Variants in N4BP3 observed in about 807,000 individuals in gnomAD.
N4BP3 encodes NEDD4-binding protein 3.
A neutral mutation model predicts 43.8 loss-of-function variants in N4BP3; 33 were observed. The ratio of observed to expected loss-of-function variants is 0.75; its 90% confidence interval spans 0.57 to 1.01. N4BP3 has a LOEUF of 1.01. N4BP3 is among the 50% of genes least tolerant of loss of function. The pLI, the probability that N4BP3 is intolerant of heterozygous loss-of-function variation, is 0.00. For missense variants in N4BP3, 756 were observed against 744.2 expected, an observed-to-expected ratio of 1.02 and a Z score of -0.18; for synonymous variants, 326 against 321.9, an observed-to-expected ratio of 1.01 and a Z score of -0.14.
Position 178,121,688 on chromosome 5 carries a change from G to T in N4BP3, c.1322G>T (p.Ser441Ile). The change falls in exon 5 of 5, where the codon AGC becomes ATC. Residue 441 changes from serine to isoleucine, a missense_variant. Coordinates refer to ENST00000274605, the MANE Select transcript of N4BP3 (RefSeq NM_015111.2). ...EQAPREEAPG[S>I]CETDDCKSRG... ...GCCCCTCGGGAGGAAGCCCCAGGCA[G>T]CTGTGAGACTGATGACTGCAAGAGC... The T allele has an allele frequency of 6.2e-7, 1 of 1,610,912 alleles. No homozygotes were observed.
chr5:178,115,693 A>T (rs1455335881), intron 1 of N4BP3, among the ~76,000 whole-genome samples: 1 of 152,176 alleles, frequency 6.6e-6, no homozygotes, highest in Non-Finnish European at 1.5e-5. Flanking sequence ...GTGTCTTGTG[A>T]GGATGTGATA....
Position 178,121,870 on chromosome 5 carries a change from C to T in N4BP3, c.1504C>T (p.Arg502Cys), listed in dbSNP as rs1406296183. The T allele has an allele frequency of 1.9e-6, 3 of 1,608,632 alleles. No homozygotes were observed. Among genetic ancestry groups the T allele is most frequent in the Non-Finnish European group, 1.7e-6 (2 of 1,178,786 alleles). ...GCAGGAGGAGAAGGAGCGCGTGCTG[C>T]GCTACCAGCGGGAGATCCAGGGAGG... ...TWQEEKERVL[R>C]YQREIQGGYM... Residue 502 changes from arginine (R) to cysteine (C), a missense_variant, in exon 5 of 5, where the codon CGC becomes TGC. Coordinates refer to ENST00000274605, the MANE Select transcript of N4BP3 (RefSeq NM_015111.2).
chr5:178,126,604 C>T (rs562055356), downstream of N4BP3, among the ~76,000 whole-genome samples: 1 of 152,284 alleles, frequency 6.6e-6, no homozygotes, highest in African/African-American at 2.4e-5. Flanking sequence ...AAGTATCTGA[C>T]CATCGCTCAC....
chr5:178,115,795 A>T (rs1757758391), intron 1 of N4BP3, among the ~76,000 whole-genome samples: 1 of 152,176 alleles, frequency 6.6e-6, no homozygotes, highest in Non-Finnish European at 1.5e-5. Context: ...CTTCCTGGCC[A>T]GGGCAGCTGT....
chr5:178,117,719 T>C (rs1244802602), intron 1 of N4BP3, among the ~76,000 whole-genome samples: 1 of 151,566 alleles, frequency 6.6e-6, no homozygotes, highest in Non-Finnish European at 1.5e-5. Flanking sequence ...TCCCCTGTGA[T>C]TCCTTACCTG....
Position 178,122,384 on chromosome 5 carries a change from A to G in N4BP3, c.*383A>G, listed in dbSNP as rs1009808257. On this transcript the variant is annotated 3_prime_UTR_variant, in exon 5 of 5. Transcript: ENST00000274605. ...GGTGGGAACACTGGCCTCCCCCAGAATAAAACCATGTTTTCTACCAGAGGC... is the reference window on the plus strand; with the variant it reads ...GGTGGGAACACTGGCCTCCCCCAGAGTAAAACCATGTTTTCTACCAGAGGC... 2 of 202,894 alleles carry G rather than the reference A, an allele frequency of 9.9e-6. No individual in the cohort carries two copies. Among genetic ancestry groups the G allele is most frequent in the African/African-American group, 4.6e-5 (2 of 43,068 alleles). The allele number at this position is 202,894 out of a possible 1,614,324, so 12.6% of individuals were successfully genotyped here.
Position 178,119,022 on chromosome 5 carries a change from T to C in N4BP3, c.-30-532T>C, listed in dbSNP as rs188046527. Among the ~76,000 whole-genome samples the C allele has an allele frequency of 1.3e-3, 192 of 152,202 alleles. 1 individual carries two copies. Among genetic ancestry groups the C allele is most frequent in the Non-Finnish European group, 1.5e-3 (105 of 67,992 alleles). On this transcript the variant is annotated intron_variant, in intron 1 of 4. Transcript: ENST00000274605. Reference sequence around the variant, plus strand: ...CTGGGACTACAGGCGCCCACCACCATGCCCGGCTAGTTTTTGTATTTTTAG... The same window carrying C: ...CTGGGACTACAGGCGCCCACCACCACGCCCGGCTAGTTTTTGTATTTTTAG...
chr5:178,114,344 C>T (rs1271570922), intron 1 of N4BP3, among the ~76,000 whole-genome samples: 2 of 152,238 alleles, frequency 1.3e-5, no homozygotes, highest in Non-Finnish European at 2.9e-5. Flanking sequence ...CTTCCTCCCA[C>T]ACCTCCTTTA....
chr5:178,117,558 C>A (rs545396925), intron 1 of N4BP3, among the ~76,000 whole-genome samples: 2 of 138,892 alleles, frequency 1.4e-5, no homozygotes, highest in African/African-American at 5.4e-5. Context: ...CTGCAGTGGG[C>A]CATGGTTGCA....
At chr5:178,116,829 G>A (rs183262079) in intron 1 of N4BP3, among the ~76,000 whole-genome samples, 129 of 152,296 alleles carry the variant, frequency 8.5e-4, no homozygotes, top group Middle Eastern at 3.4e-3. Context: ...TTGGGGTGAG[G>A]TGGGCGTATT....
In N4BP3 at chr5:178,115,516, A is replaced by C. The variant is rs186893394; in HGVS notation, c.-31+1745A>C. On this transcript the variant is annotated intron_variant, in intron 1 of 4. Coordinates refer to ENST00000274605, the MANE Select transcript of N4BP3 (RefSeq NM_015111.2). Reference sequence around the variant, plus strand: ...GCACTCCTGCCCATGTGGGGACTGGAATGTCCCACCCCAGAGGAGATGCAA... The same window carrying C: ...GCACTCCTGCCCATGTGGGGACTGGCATGTCCCACCCCAGAGGAGATGCAA... 3.3e-3 allele frequency among the ~76,000 whole-genome samples: 497 copies of C among 152,256 alleles called. 2 individuals carry two copies. Among genetic ancestry groups the C allele is most frequent in the African/African-American group, 0.011 (475 of 41,566 alleles).
intron 1 of N4BP3, among the ~76,000 whole-genome samples, chr5:178,115,370 A>G (rs1159512995): frequency 6.6e-6 from 1 of 150,386 alleles, no homozygotes; most frequent in African/African-American, 2.5e-5. Flanking sequence ...GGGACATTCC[A>G]GTCCCATTCC....
chr5:178,114,435 G>A (rs941069199), intron 1 of N4BP3, among the ~76,000 whole-genome samples: 7 of 152,172 alleles, frequency 4.6e-5, no homozygotes, highest in African/African-American at 1.7e-4. Flanking sequence ...GACCGCCAGA[G>A]CACCCGGTCC....
rs1757835199 is a variant in N4BP3, at chr5:178,118,814, T to TG, written c.-30-736dup. 6.6e-6 allele frequency among the ~76,000 whole-genome samples: 1 copy of TG among 151,120 alleles called. No individual in the cohort carries two copies. The highest frequency in any genetic ancestry group is 2.1e-4 in the South Asian group (1 of 4,782). ...CCTTCTCCCCACCCCACAGATTTGG[T>TG]GGGGAACATGGCAGGAGGGTAAGCA... On this transcript the variant is annotated intron_variant, in intron 1 of 4. Transcript: ENST00000274605. This position sits in a 1 kb window ranked among gnomAD's most constrained non-coding sequence, Gnocchi z 5.4.
At chr5:178,114,219 C>T (rs1245829865) in intron 1 of N4BP3, among the ~76,000 whole-genome samples, 1 of 152,216 alleles carries the variant, frequency 6.6e-6, no homozygotes, top group Non-Finnish European at 1.5e-5. Context: ...CCCCAGGTAG[C>T]TCCGGGACCT....
chr5:178,121,216 T>C lies in N4BP3; in HGVS notation c.971T>C (p.Phe324Ser). ...GAGCGCAACCTCCAGCTGCAGCTGT[T>C]TATGGCTCAGCAGGAGCAGCGGCGC... ...RSERNLQLQLFMAQQEQRRLR... is the reference protein window; with the variant it reads ...RSERNLQLQLSMAQQEQRRLR... The change falls in exon 4 of 5, where the codon TTT becomes TCT. Residue 324 changes from phenylalanine (F) to serine (S), a missense_variant. Transcript: ENST00000274605. 1 of 1,603,538 alleles carries C rather than the reference T, an allele frequency of 6.2e-7. No homozygotes were observed. Among genetic ancestry groups the C allele is most frequent in the East Asian group, 2.2e-5 (1 of 44,548 alleles).
At position 178,122,136 on chromosome 5, in the gene N4BP3, G is replaced by A; in HGVS notation, c.*135G>A. 8.7e-7 allele frequency: 1 copy of A among 1,152,668 alleles called. No homozygotes were observed. Among genetic ancestry groups the A allele is most frequent in the South Asian group, 1.6e-5 (1 of 61,016 alleles). 71.4% of individuals were successfully genotyped at this position (1,152,668 alleles called of 1,614,324 possible). ...GGCTGGGGAGGCGCAAGGAGAGGAG[G>A]GATCCAGTGGGGCCGTGGGCTGGGT... On this transcript the variant is annotated 3_prime_UTR_variant, in exon 5 of 5. Transcript: ENST00000274605.
chr5:178,115,475 G>A (rs1289242511), intron 1 of N4BP3, among the ~76,000 whole-genome samples: 3 of 152,224 alleles, frequency 2.0e-5, no homozygotes, highest in African/African-American at 7.2e-5. Flanking sequence ...GGGGCTGACT[G>A]TAGCCAGGGC....
intron 1 of N4BP3, among the ~76,000 whole-genome samples, chr5:178,119,298 C>G (rs115438712): frequency 0.015 from 2,282 of 152,302 alleles, 30 homozygotes; most frequent in East Asian, 0.085. Flanking sequence ...CTTCGGTGCT[C>G]GGCTGGGGCA....
Sources: gnomAD v4.1 joint callset for allele counts (sites outside exome capture counted in the v4.1 genomes callset) on GRCh38, gnomAD v4.1.1 for gene constraint, Gnocchi (gnomAD v3.1) non-coding constraint, MANE v1.5 for transcripts, NCBI Gene and HGNC (gene_info 2026-07-23, HGNC 2026-07-21) for gene names.